The following ATF6B variants were observed in gnomAD, a reference collection of about 807,000 sequenced individuals.
ATF6B encodes the protein cyclic AMP-dependent transcription factor ATF-6 beta.
Under a neutral mutation model 83.5 loss-of-function variants are expected in ATF6B, and 50 were observed. The observed-to-expected ratio is 0.60, with a 90% confidence interval of 0.48 to 0.76. The LOEUF (loss-of-function observed/expected upper bound fraction) is 0.76, where lower values mean the gene tolerates loss of function less well. ATF6B is among the 30% of genes least tolerant of loss of function. The probability of loss-of-function intolerance (pLI) is 0.00; values close to 1 mark genes in which losing one functional copy is unlikely to be tolerated. For synonymous variants in ATF6B, 344 were observed against 362.8 expected, an observed-to-expected ratio of 0.95 and a Z score of 0.59; for missense variants, 790 against 893.8, an observed-to-expected ratio of 0.88 and a Z score of 1.48.
intron 4 of ATF6B, 144 bp from the exon 5 acceptor site, chr6:32,126,396 T>TTCA: frequency 2.0e-6 from 2 of 994,012 alleles, no homozygotes; most frequent in Non-Finnish European, 2.9e-6. Context: ...TGAATGGTAC[T>TTCA]GACCATCTTT....
At position 32,119,183 on chromosome 6, in the gene ATF6B, G is replaced by C; in HGVS notation, c.967-42C>G. The C allele has an allele frequency of 6.4e-7, 1 of 1,569,350 alleles. No individual in the cohort carries two copies. Among genetic ancestry groups the C allele is most frequent in the Non-Finnish European group, 8.6e-7 (1 of 1,161,268 alleles). On this transcript the variant is annotated intron_variant, in intron 9 of 17. Coordinates refer to ENST00000375203, the MANE Select transcript of ATF6B (RefSeq NM_004381.5). The surrounding 1 kb of genome is among the most constrained non-coding windows in gnomAD (Gnocchi z 4.9). ...TCAAAAAAGAATGACAGATGAGTTG[G>C]CAGAAGGAGACTATGCTCTCAAACC...
chr6:32,116,833 C>T lies in ATF6B; in HGVS notation c.1686-18G>A. The T allele has an allele frequency of 6.2e-7, 1 of 1,612,616 alleles. No homozygotes were observed. The highest frequency in any genetic ancestry group is 1.3e-5 in the African/African-American group (1 of 74,958). On this transcript the variant is annotated intron_variant, in intron 15 of 17. Coordinates refer to ENST00000375203, the MANE Select transcript of ATF6B (RefSeq NM_004381.5). The surrounding 1 kb of genome is among the most constrained non-coding windows in gnomAD (Gnocchi z 5.1). ...CAGAATCCCTAGGCAGGTGGGGAAA[C>T]AGGATTTGAGGGGAACTAAGCCCAA...
chr6:32,116,419 C>G lies in ATF6B; in HGVS notation c.1882+61G>C, dbSNP rs920006027. Reference sequence around the variant, plus strand: ...CCCTGCTCCTCTCCCCCTTCCCCCTCAGCTCCCAGGCTGGATCTCCCTGTT... The same window carrying G: ...CCCTGCTCCTCTCCCCCTTCCCCCTGAGCTCCCAGGCTGGATCTCCCTGTT... On this transcript the variant is annotated intron_variant, in intron 17 of 17. Transcript: ENST00000375203. This position sits in a 1 kb window ranked among gnomAD's most constrained non-coding sequence, Gnocchi z 5.1. 3.0e-5 allele frequency: 45 copies of G among 1,509,614 alleles called. No homozygotes were observed. Among genetic ancestry groups the G allele is most frequent in the Non-Finnish European group, 3.2e-5 (35 of 1,103,978 alleles). 93.5% of individuals were successfully genotyped at this position (1,509,614 alleles called of 1,614,324 possible).
rs761044971 is a variant in ATF6B at position 32,120,878 on chromosome 6, G to A, written c.725C>T (p.Pro242Leu). Reference protein sequence around the residue: ...SSGKALPTRKPPLQPKPVVLT... With the variant: ...SSGKALPTRKLPLQPKPVVLT... ...CACTACAGGTTTGGGCTGCAGTGGC[G>A]GCTTCCGGGTGGGCAGGGCTTTGCC... The change falls in exon 8 of 18, where the codon CCG becomes CTG. Residue 242 changes from proline (P) to leucine (L), a missense_variant. This residue lies in a region of ATF6B where 530 missense variants were observed against 632.6 expected (regional missense o/e 0.84). Coordinates refer to ENST00000375203, the MANE Select transcript of ATF6B (RefSeq NM_004381.5). 16 of 1,549,548 alleles carry A rather than the reference G, an allele frequency of 1.0e-5. No homozygotes were observed. The highest frequency in any genetic ancestry group is 6.1e-6 in the Non-Finnish European group (7 of 1,149,002).
rs898352399 is a variant in ATF6B, at chr6:32,115,674, A to G, written c.*65T>C. On this transcript the variant is annotated 3_prime_UTR_variant, in exon 18 of 18. Transcript: ENST00000375203. The stretch of plus-strand genomic sequence containing the variant: ...CAAGCCTGGGGATCAGGGAAATTTG[A>G]AACAGTCCCACCTGGCCACCTGGTA... The G allele has an allele frequency of 7.1e-7, 1 of 1,402,030 alleles. No homozygotes were observed. The highest frequency in any genetic ancestry group is 1.4e-5 in the African/African-American group (1 of 69,464). 86.8% of individuals were successfully genotyped at this position (1,402,030 alleles called of 1,614,324 possible). A position where few individuals can be genotyped will look rare whatever the true frequency, so the allele number is the denominator to read the frequency against.
In ATF6B at chr6:32,115,492, A is replaced by G; in HGVS notation, c.*247T>C. 2 of 428,536 alleles carry G rather than the reference A, an allele frequency of 4.7e-6. No individual in the cohort carries two copies. The highest frequency in any genetic ancestry group is 3.4e-5 in the East Asian group (1 of 28,990). 26.5% of individuals were successfully genotyped at this position (428,536 alleles called of 1,614,324 possible). On this transcript the variant is annotated 3_prime_UTR_variant, in exon 18 of 18. Transcript: ENST00000375203. ...AGCTCACCACCCACCCCACAACTGAACCTCACACAATCCCCTCAAACAAAG... is the reference window on the plus strand; with the variant it reads ...AGCTCACCACCCACCCCACAACTGAGCCTCACACAATCCCCTCAAACAAAG...
Position 32,126,240 on chromosome 6 carries a change from C to T in ATF6B, c.355G>A (p.Gly119Arg). Residue 119 changes from glycine (G) to arginine (R), a missense_variant, in exon 5 of 18, where the codon GGG becomes AGG. Physicochemically the swap from Gly to Arg is moderately radical, Grantham distance 125. Around this residue, in one of 3 missense-constraint regions of ATF6B, gnomAD observed 253 missense variants for 243.1 expected, o/e 1.04. Coordinates refer to ENST00000375203, the MANE Select transcript of ATF6B (RefSeq NM_004381.5). ...TCTGTCTTCACATGGAGCACCTCCC[C>T]TACCCCAAGAGCCTGGGTGAGAGTT... is the stretch of plus-strand genomic sequence containing the variant. ...TEPSSEALGV[G>R]EVLHVKTESL... 6.2e-7 allele frequency: 1 copy of T among 1,613,932 alleles called. No homozygotes were observed. The highest frequency in any genetic ancestry group is 8.5e-7 in the Non-Finnish European group (1 of 1,179,956).
chr6:32,124,849 G>C (rs1301049828), intron 5 of ATF6B, among the ~76,000 whole-genome samples: 2 of 151,178 alleles, frequency 1.3e-5, no homozygotes, highest in South Asian at 4.2e-4. Context: ...ACCCTCTAGT[G>C]ATTTTTTTTT....
At chr6:32,122,845 C>CACA (rs1781817970) in intron 5 of ATF6B, among the ~76,000 whole-genome samples, 1 of 52,688 alleles carries the variant, frequency 1.9e-5, no homozygotes. Flanking sequence ...GACTCTGTCT[C>CACA]AAAAAAAAAA....
Position 32,118,337 on chromosome 6 carries a change from A to G in ATF6B, c.1245-299T>C, listed in dbSNP as rs1372049411. ...GCCGGGCGAGGTGGCTCAAGCCTGT[A>G]ATCCTAGCACTTTGGGAGGCTGAGG... is the stretch of plus-strand genomic sequence containing the variant. On this transcript the variant is annotated intron_variant, in intron 11 of 17. Transcript: ENST00000375203. This position sits in a 1 kb window ranked among gnomAD's most constrained non-coding sequence, Gnocchi z 5.2. Among the ~76,000 whole-genome samples, 1 of 152,228 alleles carries G rather than the reference A, an allele frequency of 6.6e-6. No homozygotes were observed. Among genetic ancestry groups the G allele is most frequent in the East Asian group, 1.9e-4 (1 of 5,194 alleles).
chr6:32,121,860 C>T (rs531780617), intron 5 of ATF6B, among the ~76,000 whole-genome samples: 1 of 152,320 alleles, frequency 6.6e-6, no homozygotes, highest in African/African-American at 2.4e-5. Flanking sequence ...CTAGTGCTTC[C>T]CTTTCTCCTT....
Position 32,125,924 on chromosome 6 carries a change from G to T in ATF6B, c.478+193C>A. On this transcript the variant is annotated intron_variant, in intron 5 of 17. Transcript: ENST00000375203. This position sits in a 1 kb window ranked among gnomAD's most constrained non-coding sequence, Gnocchi z 4.1. ...AAATAATATCCATCTCCTCAGCACT[G>T]CCCTTGCTGTGGTTCCCTGAAATGT... 1.5e-6 allele frequency: 1 copy of T among 687,176 alleles called. No individual in the cohort carries two copies. The highest frequency in any genetic ancestry group is 2.4e-6 in the Non-Finnish European group (1 of 419,860). 42.6% of individuals were successfully genotyped at this position (687,176 alleles called of 1,614,324 possible).
At position 32,117,981 on chromosome 6, in the gene ATF6B, T is replaced by C. The variant is rs763567066; in HGVS notation, c.1302A>G (p.Gln434=). Residue 434 remains glutamine (Q), a synonymous_variant, in exon 12 of 18, where the codon CAA becomes CAG. Transcript: ENST00000375203. The surrounding 1 kb of genome is among the most constrained non-coding windows in gnomAD (Gnocchi z 5.0). ...ISPRMNKGEP[Q]PRRHLLGFSE... The stretch of plus-strand genomic sequence containing the variant: ...AGAACCCCAGCAAGTGTCTCCGGGG[T>C]TGAGGCTCCCCCTTGTTCATCCGAG... 6.2e-7 allele frequency: 1 copy of C among 1,613,924 alleles called. No individual in the cohort carries two copies. Among genetic ancestry groups the C allele is most frequent in the Non-Finnish European group, 8.5e-7 (1 of 1,179,964 alleles).
At position 32,128,137 on chromosome 6, in the gene ATF6B, G is replaced by A. The variant is rs1176661079; in HGVS notation, c.71C>T (p.Pro24Leu). ...CTCACTCTGCAGACCCCAGTCCTCC[G>A]GGCTAAGCAGGTTGTCGGTGAAGAA... ...TRFFTDNLLS[P>L]EDWGLQNSTL... Residue 24 changes from proline to leucine, a missense_variant, in exon 1 of 18, where the codon CCG becomes CTG. By Grantham distance (98) the Pro-to-Leu change is moderately conservative (BLOSUM62 -3). Transcript: ENST00000375203. 1 of 1,613,050 alleles carries A rather than the reference G, an allele frequency of 6.2e-7. No individual in the cohort carries two copies. The highest frequency in any genetic ancestry group is 1.3e-5 in the African/African-American group (1 of 74,816).
chr6:32,121,031 C>T lies in ATF6B; in HGVS notation c.658G>A (p.Ala220Thr), dbSNP rs777118941. ...LWDVPAPSLG[A>T]VQISMGPSLD... ...GATGGGCCCATGCTGATCTGGACAG[C>T]TCCAAGTGAGGGGGCTGGGACATCC... is the stretch of plus-strand genomic sequence containing the variant. The change falls in exon 7 of 18, where the codon GCT becomes ACT. Residue 220 changes from alanine to threonine, a missense_variant. Transcript: ENST00000375203. 1.3e-6 allele frequency: 2 copies of T among 1,548,810 alleles called. No individual in the cohort carries two copies. Among genetic ancestry groups the T allele is most frequent in the East Asian group, 2.2e-5 (1 of 44,572 alleles).
Position 32,125,311 on chromosome 6 carries a change from T to A in ATF6B, c.478+806A>T, listed in dbSNP as rs1249649656. Among the ~76,000 whole-genome samples, 1 of 152,230 alleles carries A rather than the reference T, an allele frequency of 6.6e-6. No individual in the cohort carries two copies. The highest frequency in any genetic ancestry group is 1.5e-5 in the Non-Finnish European group (1 of 68,044). On this transcript the variant is annotated intron_variant, in intron 5 of 17. Coordinates refer to ENST00000375203, the MANE Select transcript of ATF6B (RefSeq NM_004381.5). The surrounding 1 kb of genome is among the most constrained non-coding windows in gnomAD (Gnocchi z 4.1). ...AGGTGCTTAATAAATATTTCTTTTT[T>A]ATAATTATTATACCTCAGATATGAT...
At chr6:32,120,520 G>A (rs1275044565) in intron 8 of ATF6B, 14 of 302,572 alleles carry the variant, frequency 4.6e-5, no homozygotes, top group Non-Finnish European at 7.7e-5. Context: ...GCATGATCTC[G>A]GCTCACTGCA....
Position 32,119,884 on chromosome 6 carries a change from A to G in ATF6B, c.906T>C (p.Pro302=), listed in dbSNP as rs866668691. Residue 302 remains proline (P), a synonymous_variant, in exon 9 of 18, where the codon CCT becomes CCC. Transcript: ENST00000375203. This position sits in a 1 kb window ranked among gnomAD's most constrained non-coding sequence, Gnocchi z 4.9. ...PEGPAPSLPR[P]ERKSIVPAPM... is the part of the protein sequence containing the mutation. ...GAGCGGGAACGATGCTCTTCCTCTCAGGCCGTGGTAGAGAGGGAGCCGGCC... is the reference window on the plus strand; with the variant it reads ...GAGCGGGAACGATGCTCTTCCTCTCGGGCCGTGGTAGAGAGGGAGCCGGCC... 1.9e-6 allele frequency: 3 copies of G among 1,614,058 alleles called. 1 individual carries two copies. The highest frequency in any genetic ancestry group is 3.3e-4 in the Middle Eastern group (2 of 6,062).
At position 32,127,097 on chromosome 6, in the gene ATF6B, T is replaced by G; in HGVS notation, c.342+6A>C. The G allele has an allele frequency of 6.3e-7, 1 of 1,583,670 alleles. No homozygotes were observed. The highest frequency in any genetic ancestry group is 8.6e-7 in the Non-Finnish European group (1 of 1,164,420). ...ACAGAGAGTAAGAGGGATATGGCTC[T>G]CTCACCTCGCTGGATGGCTCTGTGG... is the stretch of plus-strand genomic sequence containing the variant. On this transcript the variant is annotated splice_donor_region_variant and intron_variant, in intron 4 of 17. Coordinates refer to ENST00000375203, the MANE Select transcript of ATF6B (RefSeq NM_004381.5).
Sources: allele counts gnomAD v4.1 joint callset (sites outside exome capture counted in the v4.1 genomes callset), GRCh38; gene constraint gnomAD v4.1.1; regional missense constraint gnomAD v4.1.1; non-coding constraint Gnocchi (gnomAD v3.1); transcripts MANE v1.5; gene names NCBI Gene and HGNC (gene_info 2026-07-23, HGNC 2026-07-21).